Variants in ATRX observed in about 807,000 individuals in gnomAD.
ATRX encodes the protein ATRX chromatin remodeler.
Under a neutral mutation model 172.6 loss-of-function variants are expected in ATRX, and 12 were observed. The ratio of observed to expected loss-of-function variants is 0.07; its 90% confidence interval spans 0.04 to 0.11. The LOEUF is 0.11. ATRX is among the 10% of genes least tolerant of loss of function. The probability of loss-of-function intolerance (pLI) is 1.00; values close to 1 mark genes in which losing one functional copy is unlikely to be tolerated. For synonymous variants in ATRX, 674 were observed against 594.7 expected (o/e 1.13, Z -1.94); for missense variants, 1,368 against 1,767.4 (o/e 0.77, Z 4.05).
intron 1 of ATRX, among the ~76,000 whole-genome samples, chrX:77,754,305 G>A (rs782423713): frequency 9.0e-6 from 1 of 111,470 alleles, no homozygotes; most frequent in Non-Finnish European, 1.9e-5. Context: ...TTGCCAGTCT[G>A]TGCCTTTTAA....
At chrX:77,757,673 C>CTT (rs782109182) in intron 1 of ATRX, among the ~76,000 whole-genome samples, 4 of 100,480 alleles carry the variant, frequency 4.0e-5, no homozygotes, top group East Asian at 3.1e-4. Context: ...AAAGTATTAT[C>CTT]TTTTTTTTTT....
At chrX:77,690,194 GC>G (rs1557146392) in intron 6 of ATRX, among the ~76,000 whole-genome samples, 2 of 111,060 alleles carry the variant, frequency 1.8e-5, no homozygotes, top group African/African-American at 6.6e-5. Context: ...TCCTACCTCA[GC>G]CTCCTGAGTA....
At chrX:77,645,391 G>A (rs1016406638) in intron 15 of ATRX, among the ~76,000 whole-genome samples, 8 of 111,193 alleles carry the variant, frequency 7.2e-5, no homozygotes, top group East Asian at 2.8e-4. Context: ...CTCCCGCCTC[G>A]GTCTCCCAAA....
At chrX:77,649,610 C>T (rs782653765) in intron 15 of ATRX, among the ~76,000 whole-genome samples, 24 of 111,703 alleles carry the variant, frequency 2.1e-4, no homozygotes, top group Non-Finnish European at 3.8e-4. Flanking sequence ...TGTTGTGGGA[C>T]GGACCCAGTG....
At position 77,696,763 on chromosome X, in the gene ATRX, A is replaced by G. The variant is rs782335251; in HGVS notation, c.243-59T>C. 82 of 1,100,591 alleles carry G rather than the reference A, an allele frequency of 7.5e-5. No individual in the cohort carries two copies. The Admixed American group carries it at 7.5e-4, about 10-fold the overall frequency. 90.7% of individuals were successfully genotyped at this position (1,100,591 alleles called of 1,213,427 possible). ...GTTTCTGACAACTGGAACAATACCC[A>G]AAGAACATAAATAACATGTTGAGAT... On this transcript the variant is annotated intron_variant, in intron 4 of 34. Transcript: ENST00000373344.
chrX:77,589,776 T>C, intron 27 of ATRX, 58 bp downstream of exon 27: 5 of 1,002,988 alleles, frequency 5.0e-6, no homozygotes, highest in Non-Finnish European at 7.0e-6. Flanking sequence ...AAAATGTTTG[T>C]ATGGTATGTT....
intron 6 of ATRX, chrX:77,690,940 A>C (rs1033893589): frequency 2.7e-5 from 3 of 112,234 alleles, no homozygotes; most frequent in African/African-American, 9.7e-5. Context: ...TTAGAAAATT[A>C]GAAAATGAAA....
At chrX:77,510,166 G>A (rs1344992350) in intron 34 of ATRX, among the ~76,000 whole-genome samples, 2 of 111,859 alleles carry the variant, frequency 1.8e-5, no homozygotes, top group Non-Finnish European at 3.8e-5. Context: ...GCTCCTGGAT[G>A]ACATTTCCAG....
chrX:77,751,533 T>C (rs2075298734), intron 1 of ATRX, among the ~76,000 whole-genome samples: 1 of 112,508 alleles, frequency 8.9e-6, no homozygotes, highest in Non-Finnish European at 1.9e-5. Context: ...ATCTCATTTG[T>C]CAATTTTGGC....
intron 1 of ATRX, among the ~76,000 whole-genome samples, chrX:77,733,187 T>C (rs1429118138): frequency 8.9e-6 from 1 of 111,990 alleles, no homozygotes; most frequent in Non-Finnish European, 1.9e-5. Flanking sequence ...TTCATGTTCA[T>C]GGACTGGAAG....
At chrX:77,607,915 T>C (rs782079019) in intron 22 of ATRX, among the ~76,000 whole-genome samples, 6 of 110,125 alleles carry the variant, frequency 5.4e-5, no homozygotes, top group African/African-American at 2.0e-4. Context: ...CCAATGATAT[T>C]CTTCACAGAA....
At chrX:77,520,694 A>T in intron 34 of ATRX, 94 bp downstream of exon 34, 1 of 939,281 alleles carries the variant, frequency 1.1e-6, no homozygotes, top group Non-Finnish European at 1.5e-6. Context: ...CCTCCATAGT[A>T]GGAATAATTA....
chrX:77,578,654 T>C lies in ATRX; in HGVS notation c.6218-4296A>G, dbSNP rs782176935. ...AGCAGCAATAACCAGGTAGTACACA[T>C]TGTGGGGCATGGATTAGACAGAAAT... On this transcript the variant is annotated intron_variant, in intron 27 of 34. Transcript: ENST00000373344. 8.9e-5 allele frequency among the ~76,000 whole-genome samples: 10 copies of C among 111,751 alleles called. No homozygotes were observed. The South Asian group carries it at 3.0e-3, about 34-fold the overall frequency.
chrX:77,507,882 T>C lies in ATRX; in HGVS notation c.*469A>G, dbSNP rs2147642946. ...AGAACATTAAAACCATTTCAATCAC[T>C]TTAATCAAGAAATGGATTAAGTACA... On this transcript the variant is annotated 3_prime_UTR_variant, in exon 35 of 35. Transcript: ENST00000373344. 5.7e-6 allele frequency: 1 copy of C among 176,865 alleles called. No homozygotes were observed. The highest frequency in any genetic ancestry group is 1.1e-5 in the Non-Finnish European group (1 of 92,357). 14.6% of individuals were successfully genotyped at this position (176,865 alleles called of 1,213,427 possible). A position where few individuals can be genotyped will look rare whatever the true frequency, so the allele number is the denominator to read the frequency against.
At chrX:77,781,163 C>T (rs782315365) in intron 1 of ATRX, among the ~76,000 whole-genome samples, 41 of 107,640 alleles carry the variant, frequency 3.8e-4, no homozygotes, top group African/African-American at 1.4e-3. Flanking sequence ...AATTAACAGC[C>T]GGGCGCGGTG....
intron 1 of ATRX, among the ~76,000 whole-genome samples, chrX:77,726,917 A>T (rs985518287): frequency 9.0e-5 from 10 of 111,486 alleles, no homozygotes; most frequent in Admixed American, 3.8e-4. Context: ...TTTTTAAAAA[A>T]ATAGTGTTTT....
At chrX:77,513,301 A>G (rs1170049000) in intron 34 of ATRX, among the ~76,000 whole-genome samples, 4 of 84,038 alleles carry the variant, frequency 4.8e-5, no homozygotes, top group Non-Finnish European at 8.9e-5. Flanking sequence ...TGGGCGACAG[A>G]GCGAGACTCC....
chrX:77,608,342 C>T (rs974760408), intron 22 of ATRX, among the ~76,000 whole-genome samples: 2 of 99,693 alleles, frequency 2.0e-5, no homozygotes, highest in Non-Finnish European at 4.0e-5. Flanking sequence ...GCACTCCAGC[C>T]TGGACAACAG....
chrX:77,569,673 C>A (rs2065335738), intron 28 of ATRX, among the ~76,000 whole-genome samples: 1 of 111,537 alleles, frequency 9.0e-6, no homozygotes, highest in South Asian at 3.7e-4. Context: ...AAGAGAAATA[C>A]CTGGGTGTAA....
Sources: gnomAD v4.1 joint callset for allele counts (sites outside exome capture counted in the v4.1 genomes callset) on GRCh38, gnomAD v4.1.1 for gene constraint, MANE v1.5 for transcripts, NCBI Gene and HGNC (gene_info 2026-07-23, HGNC 2026-07-21) for gene names.